The following NDST3 variants were observed in gnomAD, a reference collection of about 807,000 sequenced individuals.
The protein encoded by NDST3 is bifunctional heparan sulfate N-deacetylase/N-sulfotransferase 3.
NDST3 carries 58 observed loss-of-function variants against 96.1 expected under a neutral mutation model. That is an observed-to-expected ratio of 0.60 (90% CI 0.49 to 0.75). The LOEUF is 0.75. Ranked by LOEUF, NDST3 falls within the 30% of genes least tolerant of loss-of-function variation. The pLI is 0.00. For synonymous variants in NDST3, 333 were observed against 359.7 expected (o/e 0.93, Z 0.84); for missense variants, 788 against 1,034.2 (o/e 0.76, Z 3.27).
At chr4:118,150,640 T>C (rs1285764438) in intron 6 of NDST3, among the ~76,000 whole-genome samples, 2 of 151,482 alleles carry the variant, frequency 1.3e-5, no homozygotes, top group East Asian at 3.9e-4. Context: ...GAAAAAATGC[T>C]CACCATCACT....
At chr4:118,239,655 G>T (rs951010025) in intron 10 of NDST3, among the ~76,000 whole-genome samples, 12 of 152,112 alleles carry the variant, frequency 7.9e-5, no homozygotes, top group African/African-American at 2.9e-4. Flanking sequence ...AGGCTTTAAG[G>T]CTGCAAGCTA....
At chr4:118,109,028 A>G (rs962613799) in intron 3 of NDST3, among the ~76,000 whole-genome samples, 2 of 152,212 alleles carry the variant, frequency 1.3e-5, no homozygotes, top group Admixed American at 6.5e-5. Flanking sequence ...CTACCTTGGC[A>G]ATAGATATGT....
rs199678267 is a variant in NDST3 at position 118,162,766 on chromosome 4, A to C, written c.1539+19082A>C. On this transcript the variant is annotated intron_variant, in intron 6 of 13. Transcript: ENST00000296499. ...TTGACAAATGGGATCTAATTAAACT[A>C]AAGAGCTTCTGCACAGCAAAAGAAA... Among the ~76,000 whole-genome samples the C allele has an allele frequency of 4.6e-3, 686 of 148,326 alleles. 4 individuals carry two copies. Among genetic ancestry groups the C allele is most frequent in the African/African-American group, 0.015 (603 of 40,764 alleles).
chr4:118,253,033 TA>T (rs1338395475), intron 12 of NDST3, among the ~76,000 whole-genome samples: 1 of 152,230 alleles, frequency 6.6e-6, no homozygotes, highest in Non-Finnish European at 1.5e-5. Flanking sequence ...CACTCCATGA[TA>T]CACTGAAACC....
In NDST3 at chr4:118,054,804, A is replaced by C. The variant is rs372361471; in HGVS notation, c.894A>C (p.Thr298=). 1.2e-6 allele frequency: 2 copies of C among 1,613,106 alleles called. No individual in the cohort carries two copies. Among genetic ancestry groups the C allele is most frequent in the Non-Finnish European group, 1.7e-6 (2 of 1,179,390 alleles). The change falls in exon 2 of 14, where the codon ACA becomes ACC. Residue 298 remains threonine, a synonymous_variant. Transcript: ENST00000296499. ...CCTTCTTATCAGGGAAGAGGCTGAC[A>C]TTGTCCTTGGACAGGTACATTCTTG... The part of the protein sequence containing the change: ...AISFLSGKRL[T]LSLDRYILVD...
chr4:118,224,405 GA>G (rs149675053), intron 6 of NDST3, 85 bp from the exon 7 acceptor site: 14 of 1,298,420 alleles, frequency 1.1e-5, no homozygotes, highest in Admixed American at 2.4e-5. Flanking sequence ...ACTACTTAAG[GA>G]AAAAAACTAG....
At chr4:118,074,978 T>C (rs542193011) in intron 2 of NDST3, among the ~76,000 whole-genome samples, 65 of 152,286 alleles carry the variant, frequency 4.3e-4, no homozygotes, top group African/African-American at 1.5e-3. Flanking sequence ...TCTATACCTG[T>C]GCCATGTTGG....
rs551893512 is a variant in NDST3 at position 118,196,765 on chromosome 4, A to G, written c.1540-27726A>G. Among the ~76,000 whole-genome samples the G allele has an allele frequency of 2.5e-4, 37 of 150,570 alleles. No individual in the cohort carries two copies. In the South Asian group the frequency reaches 7.0e-3, roughly 28 times the overall value. ...TCTTAGGCAAGCTAAAAGTTTCTCA[A>G]TTTTCTTTATCTTTAAAAAAACTTT... On this transcript the variant is annotated intron_variant, in intron 6 of 13. Coordinates refer to ENST00000296499, the MANE Select transcript of NDST3 (RefSeq NM_004784.3).
At chr4:118,193,138 TA>T (rs1206165587) in intron 6 of NDST3, among the ~76,000 whole-genome samples, 1 of 151,814 alleles carries the variant, frequency 6.6e-6, no homozygotes, top group Non-Finnish European at 1.5e-5. Context: ...AGGAGCAAAA[TA>T]AATTAACACT....
chr4:118,051,222 A>T (rs1370936366), intron 1 of NDST3, among the ~76,000 whole-genome samples: 1 of 152,118 alleles, frequency 6.6e-6, no homozygotes, highest in African/African-American at 2.4e-5. Flanking sequence ...AAATTAACTC[A>T]AGGTAATTTG....
At chr4:118,103,498 C>G (rs746575658) in intron 2 of NDST3, among the ~76,000 whole-genome samples, 1 of 152,076 alleles carries the variant, frequency 6.6e-6, no homozygotes, top group Non-Finnish European at 1.5e-5. Context: ...TTATAATTGT[C>G]AGCAGTACAA....
At chr4:118,194,091 T>C (rs56339949) in intron 6 of NDST3, 265,790 of 1,401,494 alleles carry the variant, frequency 0.19, 26,309 homozygotes, top group South Asian at 0.25. Context: ...TTTTCCTTCC[T>C]AACACTGCCA....
intron 2 of NDST3, among the ~76,000 whole-genome samples, chr4:118,093,087 G>A (rs1729009312): frequency 6.6e-6 from 1 of 151,810 alleles, no homozygotes; most frequent in East Asian, 1.9e-4. Context: ...CTAACAATGA[G>A]AAGGGCTGTG....
intron 10 of NDST3, among the ~76,000 whole-genome samples, chr4:118,237,677 TA>T (rs1740732460): frequency 6.6e-6 from 1 of 152,208 alleles, no homozygotes; most frequent in Non-Finnish European, 1.5e-5. Flanking sequence ...AGACAATATG[TA>T]AATGCATAAG....
At chr4:118,087,853 G>A (rs1157019975) in intron 2 of NDST3, among the ~76,000 whole-genome samples, 2 of 152,110 alleles carry the variant, frequency 1.3e-5, no homozygotes, top group African/African-American at 4.8e-5. Flanking sequence ...TAGTGCATGG[G>A]AGGTTGACCT....
At chr4:118,107,089 C>G (rs1449102474) in intron 3 of NDST3, among the ~76,000 whole-genome samples, 2 of 147,798 alleles carry the variant, frequency 1.4e-5, no homozygotes, top group Admixed American at 1.4e-4. Flanking sequence ...GACTCCATCT[C>G]AAAATAATAA....
chr4:118,225,592 T>C (rs186245767), intron 7 of NDST3, among the ~76,000 whole-genome samples: 6 of 152,204 alleles, frequency 3.9e-5, no homozygotes, highest in Non-Finnish European at 8.8e-5. Context: ...TACTTCTTAA[T>C]CACTGTTCTA....
chr4:118,232,879 T>C (rs1740400966), intron 8 of NDST3, 133 bp from the exon 9 acceptor site: 1 of 929,974 alleles, frequency 1.1e-6, no homozygotes, highest in Non-Finnish European at 1.6e-6. Flanking sequence ...GATTATCTAT[T>C]CAATTTATTT....
chr4:118,168,732 C>T (rs977400953), intron 6 of NDST3, among the ~76,000 whole-genome samples: 4 of 152,154 alleles, frequency 2.6e-5, no homozygotes, highest in Admixed American at 2.6e-4. Flanking sequence ...AAATGTCCAT[C>T]AATCGGCAAA....
Sources: gnomAD v4.1 joint callset for allele counts (sites outside exome capture counted in the v4.1 genomes callset) on GRCh38, gnomAD v4.1.1 for gene constraint, MANE v1.5 for transcripts, NCBI Gene and HGNC (gene_info 2026-07-23, HGNC 2026-07-21) for gene names.